Variants in HMGA2 observed in about 807,000 individuals in gnomAD.
The protein encoded by HMGA2 is high mobility group protein HMGI-C.
Under a neutral mutation model 19.1 loss-of-function variants are expected in HMGA2, and 8 were observed. That is an observed-to-expected ratio of 0.42 (90% CI 0.25 to 0.76). The LOEUF (loss-of-function observed/expected upper bound fraction) is 0.76. Among genes scored for constraint, HMGA2 ranks in the 30% least tolerant of loss-of-function variants. The probability of loss-of-function intolerance (pLI) is 0.28; values close to 1 mark genes in which losing one functional copy is unlikely to be tolerated. For missense variants in HMGA2, 109 were observed against 136.3 expected (o/e 0.80, Z 1.00); for synonymous variants, 60 against 48.8 (o/e 1.23, Z -0.96).
At chr12:65,951,453 A>G (rs1215791280) in intron 4 of HMGA2, 38 bp downstream of exon 4, 10 of 1,316,460 alleles carry the variant, frequency 7.6e-6, no homozygotes, top group Non-Finnish European at 1.1e-5. Context: ...CCCAATTAAT[A>G]TAAAAAGTGA....
Position 65,959,548 on chromosome 12 carries a change from G to A in HMGA2, c.283-3697G>A, listed in dbSNP as rs150511214. On this transcript the variant is annotated intron_variant, in intron 4 of 4. Coordinates refer to ENST00000403681, the MANE Select transcript of HMGA2 (RefSeq NM_003483.6). ...GCTGCATGATGGCTGGGAGCTTTTC[G>A]GTGTTTAGAGGCCTTAGTGGCTGGT... Among the ~76,000 whole-genome samples, 953 of 152,254 alleles carry A rather than the reference G, an allele frequency of 6.3e-3. 9 individuals carry two copies. The highest frequency in any genetic ancestry group is 0.021 in the African/African-American group (891 of 41,534).
At chr12:65,878,583 T>A (rs1873181599) in intron 3 of HMGA2, among the ~76,000 whole-genome samples, 1 of 152,228 alleles carries the variant, frequency 6.6e-6, no homozygotes, top group African/African-American at 2.4e-5. Context: ...ATATCTGTTT[T>A]AAAAAATCTA....
intron 3 of HMGA2, among the ~76,000 whole-genome samples, chr12:65,852,535 T>C (rs548913767): frequency 8.5e-4 from 130 of 152,240 alleles, no homozygotes; most frequent in Admixed American, 2.2e-3. Flanking sequence ...TAAAATTTCA[T>C]ATACTACAAT....
intron 2 of HMGA2, among the ~76,000 whole-genome samples, chr12:65,832,545 T>C (rs1001210269): frequency 6.6e-6 from 1 of 152,024 alleles, no homozygotes; most frequent in African/African-American, 2.4e-5. Context: ...GGATTTTATG[T>C]CAGTTAAATC....
At chr12:65,956,028 A>G (rs1252375607) in intron 4 of HMGA2, 3 of 152,164 alleles carry the variant, frequency 2.0e-5, no homozygotes, top group South Asian at 2.1e-4. Flanking sequence ...TAGTCTAGAC[A>G]TACAAAGAGG....
intron 4 of HMGA2, among the ~76,000 whole-genome samples, chr12:65,963,012 G>T (rs1876796196): frequency 1.3e-5 from 2 of 152,114 alleles, no homozygotes; most frequent in South Asian, 4.1e-4. Flanking sequence ...CAGCCGCCAT[G>T]ATGTCAAGCC....
chr12:65,885,749 A>T (rs1195047016), intron 3 of HMGA2, among the ~76,000 whole-genome samples: 1 of 152,214 alleles, frequency 6.6e-6, no homozygotes, highest in South Asian at 2.1e-4. Flanking sequence ...ATTTTTGTCC[A>T]AATAATAACA....
intron 3 of HMGA2, among the ~76,000 whole-genome samples, chr12:65,923,420 C>T (rs1466865514): frequency 2.0e-5 from 3 of 152,198 alleles, no homozygotes; most frequent in Admixed American, 6.5e-5. Context: ...ACACTCACCA[C>T]CCACTAGGGG....
chr12:65,915,526 T>C, intron 3 of HMGA2: 1 of 1,170,532 alleles, frequency 8.5e-7, no homozygotes, highest in East Asian at 4.3e-5. Context: ...GCTTAAAAAG[T>C]ATTCACTGTC....
chr12:65,864,250 A>C (rs1872266828), intron 3 of HMGA2, among the ~76,000 whole-genome samples: 1 of 152,202 alleles, frequency 6.6e-6, no homozygotes, highest in Non-Finnish European at 1.5e-5. Flanking sequence ...TAATTCATAA[A>C]AAAAACACCC....
intron 3 of HMGA2, among the ~76,000 whole-genome samples, chr12:65,931,403 G>A (rs1408895447): frequency 1.3e-5 from 2 of 151,876 alleles, no homozygotes; most frequent in African/African-American, 4.8e-5. Context: ...ACCCCCTCCC[G>A]AAACCATCAT....
chr12:65,881,435 A>G, intron 3 of HMGA2: 1 of 418,738 alleles, frequency 2.4e-6, no homozygotes, highest in South Asian at 4.4e-5. Context: ...GCTGGCCAGG[A>G]TATGTAAATA....
chr12:65,842,867 AG>A, intron 3 of HMGA2: 1 of 1,302,670 alleles, frequency 7.7e-7, no homozygotes, highest in Non-Finnish European at 9.7e-7. Flanking sequence ...AAAGTTTTAG[AG>A]AGTGGGGCTC....
intron 3 of HMGA2, among the ~76,000 whole-genome samples, chr12:65,927,057 T>C (rs1365938456): frequency 6.6e-6 from 1 of 151,994 alleles, no homozygotes; most frequent in Admixed American, 6.6e-5. Flanking sequence ...CAAGGAGGAG[T>C]TGCAGTGTTT....
chr12:65,829,965 T>A (rs1200919240), intron 2 of HMGA2, among the ~76,000 whole-genome samples: 2 of 152,026 alleles, frequency 1.3e-5, no homozygotes, highest in East Asian at 3.8e-4. Flanking sequence ...ATTCTTCATG[T>A]GTATGCATAC....
intron 3 of HMGA2, among the ~76,000 whole-genome samples, chr12:65,911,636 A>G (rs1874849968): frequency 6.6e-6 from 1 of 152,170 alleles, no homozygotes; most frequent in African/African-American, 2.4e-5. Flanking sequence ...TTATTCCAAA[A>G]GCCAATCCTC....
chr12:65,959,440 C>T (rs1221621382), intron 4 of HMGA2, among the ~76,000 whole-genome samples: 2 of 152,128 alleles, frequency 1.3e-5, no homozygotes, highest in South Asian at 2.1e-4. Flanking sequence ...CCAACTCTGC[C>T]CACCCCTGTT....
intron 2 of HMGA2, among the ~76,000 whole-genome samples, chr12:65,833,212 G>T (rs2120847702): frequency 6.6e-6 from 1 of 152,236 alleles, no homozygotes; most frequent in Non-Finnish European, 1.5e-5. Context: ...AAGGTAAAAT[G>T]AGAATTTCCT....
At chr12:65,867,541 G>A (rs770344287) in intron 3 of HMGA2, 50 of 452,580 alleles carry the variant, frequency 1.1e-4, no homozygotes, top group Middle Eastern at 6.5e-4. Context: ...GACCAAAACC[G>A]TATCCTCATG....
Sources: gnomAD v4.1 joint callset for allele counts (sites outside exome capture counted in the v4.1 genomes callset) on GRCh38, gnomAD v4.1.1 for gene constraint, MANE v1.5 for transcripts, NCBI Gene and HGNC (gene_info 2026-07-23, HGNC 2026-07-21) for gene names.